The following CNBD1 variants were observed in gnomAD, a reference collection of about 807,000 sequenced individuals.
CNBD1 encodes cyclic nucleotide binding domain containing 1.
Under a neutral mutation model 54.4 loss-of-function variants are expected in CNBD1, and 71 were observed. That is an observed-to-expected ratio of 1.30 (90% CI 1.08 to 1.59). The LOEUF (loss-of-function observed/expected upper bound fraction) is 1.59. CNBD1 is among the 40% of genes most tolerant of loss of function. The pLI, the probability that CNBD1 is intolerant of heterozygous loss-of-function variation, is 0.00. For missense variants in CNBD1, 659 were observed against 518.0 expected (o/e 1.27, Z -2.64); for synonymous variants, 182 against 170.7 (o/e 1.07, Z -0.51).
chr8:87,347,804 G>T (rs1053283367), intron 8 of CNBD1, among the ~76,000 whole-genome samples: 15 of 152,024 alleles, frequency 9.9e-5, no homozygotes, highest in African/African-American at 3.6e-4. Context: ...GGTAAATGTG[G>T]GAGCAATAGA....
chr8:87,380,348 G>T (rs573371639), intron 10 of CNBD1, among the ~76,000 whole-genome samples: 2 of 151,652 alleles, frequency 1.3e-5, no homozygotes, highest in African/African-American at 4.8e-5. Flanking sequence ...ATTTATTTCT[G>T]TATTTTATAT....
intron 4 of CNBD1, among the ~76,000 whole-genome samples, chr8:86,991,000 T>C (rs1409931546): frequency 1.3e-5 from 2 of 152,172 alleles, no homozygotes; most frequent in African/African-American, 4.8e-5. Flanking sequence ...ACTGTCATTA[T>C]ATAGAAATAC....
At chr8:87,420,881 G>A (rs1481949455) in intron 2 of CNBD1, among the ~76,000 whole-genome samples, 2 of 150,626 alleles carry the variant, frequency 1.3e-5, no homozygotes, top group African/African-American at 4.9e-5. Flanking sequence ...CATGTCTTAT[G>A]ATCCTTTTGT....
intron 4 of CNBD1, among the ~76,000 whole-genome samples, chr8:86,952,206 C>G (rs1309908197): frequency 1.3e-5 from 2 of 152,054 alleles, no homozygotes; most frequent in African/African-American, 4.8e-5. Flanking sequence ...CATACAAAAC[C>G]CAAGCTGTTC....
chr8:86,990,203 A>T (rs1015627784), intron 4 of CNBD1, among the ~76,000 whole-genome samples: 5 of 152,028 alleles, frequency 3.3e-5, no homozygotes, highest in South Asian at 4.1e-4. Context: ...TTATAACTTG[A>T]CATTATTTCA....
chr8:86,880,340 TA>T (rs144555916), intron 1 of CNBD1, among the ~76,000 whole-genome samples: 5 of 150,174 alleles, frequency 3.3e-5, no homozygotes, highest in African/African-American at 7.4e-5. Flanking sequence ...TTAGAAAAAA[TA>T]AAAAAAAACG....
chr8:87,271,549 T>A (rs559173462), intron 6 of CNBD1, among the ~76,000 whole-genome samples: 33 of 152,044 alleles, frequency 2.2e-4, no homozygotes, highest in Middle Eastern at 3.4e-3. Context: ...TGGGTTTGTG[T>A]AATTTTCGAG....
At chr8:87,133,863 C>T (rs1445228113) in intron 4 of CNBD1, among the ~76,000 whole-genome samples, 5 of 151,968 alleles carry the variant, frequency 3.3e-5, no homozygotes, top group East Asian at 1.9e-4. Context: ...CTATTTGTTG[C>T]GTGTAATTTA....
Position 87,370,861 on chromosome 8 carries a change from G to T in CNBD1, c.1304-11759G>T, listed in dbSNP as rs1195367103. Among the ~76,000 whole-genome samples the T allele has an allele frequency of 2.7e-5, 4 of 149,670 alleles. No individual in the cohort carries two copies. The East Asian group carries it at 7.7e-4, about 29-fold the overall frequency. ...TCTTCTAGGGTTTTTATGGTTTTAG[G>T]TCTAACGTTTAAGTCTTTAGTCCAT... is the stretch of plus-strand genomic sequence containing the variant. On this transcript the variant is annotated intron_variant, in intron 10 of 10. Transcript: ENST00000518476.
chr8:87,047,210 C>T (rs1810214515), intron 4 of CNBD1, among the ~76,000 whole-genome samples: 1 of 152,154 alleles, frequency 6.6e-6, no homozygotes, highest in African/African-American at 2.4e-5. Flanking sequence ...ATCATTCTAT[C>T]AACTTCACCT....
intron 4 of CNBD1, among the ~76,000 whole-genome samples, chr8:87,158,784 TGA>T (rs1812796367): frequency 6.6e-6 from 1 of 152,164 alleles, no homozygotes; most frequent in African/African-American, 2.4e-5. Context: ...ATAAAGAATG[TGA>T]GCATGCTATC....
chr8:86,931,406 G>A (rs1809455437), intron 3 of CNBD1, among the ~76,000 whole-genome samples: 1 of 152,148 alleles, frequency 6.6e-6, no homozygotes, highest in Admixed American at 6.5e-5. Flanking sequence ...TGTCCTCTTG[G>A]GCTGTGCACC....
At chr8:87,092,429 G>GTATGTGTGTGTGTATATATATACACA in intron 4 of CNBD1, among the ~76,000 whole-genome samples, 1 of 137,130 alleles carries the variant, frequency 7.3e-6, no homozygotes, top group African/African-American at 3.3e-5. Context: ...ATGTATGTAT[G>GTATGTGTGTGTGTATATATATACACA]TATGTGTGTG....
chr8:87,374,417 A>T lies in CNBD1; in HGVS notation c.1304-8203A>T, dbSNP rs188836526. 3.4e-3 allele frequency among the ~76,000 whole-genome samples: 516 copies of T among 151,986 alleles called. 4 individuals carry two copies. The highest frequency in any genetic ancestry group is 0.02 in the Middle Eastern group (6 of 294). On this transcript the variant is annotated intron_variant, in intron 10 of 10. Transcript: ENST00000518476. ...TGATAAAAAATACCACATTTAAGAT[A>T]GTTCCTTAAATCAAGATCCTAATAA...
chr8:87,174,781 T>C (rs1316100068), intron 4 of CNBD1, among the ~76,000 whole-genome samples: 1 of 152,154 alleles, frequency 6.6e-6, no homozygotes, highest in Non-Finnish European at 1.5e-5. Context: ...ATGCCTTCAT[T>C]AGGGGAACCC....
At chr8:86,980,194 G>T (rs1808450090) in intron 4 of CNBD1, among the ~76,000 whole-genome samples, 1 of 152,266 alleles carries the variant, frequency 6.6e-6, no homozygotes, top group Admixed American at 6.5e-5. Flanking sequence ...TCTTTTTGGT[G>T]CTTCAGTGAC....
At chr8:86,925,222 T>C (rs930418102) in intron 3 of CNBD1, among the ~76,000 whole-genome samples, 1 of 152,152 alleles carries the variant, frequency 6.6e-6, no homozygotes, top group East Asian at 1.9e-4. Context: ...ATTTGCCAAC[T>C]TATATCCTGG....
chr8:86,866,574 A>G lies in CNBD1; in HGVS notation c.79A>G (p.Ser27Gly), dbSNP rs758830610. 6.2e-7 allele frequency: 1 copy of G among 1,604,016 alleles called. No individual in the cohort carries two copies. Among genetic ancestry groups the G allele is most frequent in the Non-Finnish European group, 8.5e-7 (1 of 1,173,110 alleles). The change falls in exon 1 of 11, where the codon AGT (serine) becomes GGT (glycine). Residue 27 changes from serine (S) to glycine (G), a missense_variant. Transcript: ENST00000518476. ...CAATGTGCCTCCTCCTCCACTTCAC[A>G]GTATACCAAGTGAGTGGGAAATACT... is the stretch of plus-strand genomic sequence containing the variant. ...INNVPPPPLH[S>G]IPNLKKSKHI...
chr8:87,192,054 C>G (rs2915521), intron 4 of CNBD1, among the ~76,000 whole-genome samples: 57,663 of 151,874 alleles, frequency 0.38, 12,438 homozygotes, highest in Non-Finnish European at 0.48. Context: ...ATCAACCAAG[C>G]TAGAGGGAAG....
Sources: gnomAD v4.1 joint callset for allele counts (sites outside exome capture counted in the v4.1 genomes callset) on GRCh38, gnomAD v4.1.1 for gene constraint, MANE v1.5 for transcripts, NCBI Gene and HGNC (gene_info 2026-07-23, HGNC 2026-07-21) for gene names.